The following GRID2 variants were observed in gnomAD, a reference collection of about 807,000 sequenced individuals.
The protein encoded by GRID2 is glutamate ionotropic receptor delta type subunit 2.
GRID2 carries 33 observed loss-of-function variants against 114.8 expected under a neutral mutation model. That is an observed-to-expected ratio of 0.29 (90% confidence interval 0.22 to 0.38). The LOEUF is 0.38. GRID2 is among the 10% of genes least tolerant of loss of function. The pLI, the probability that GRID2 is intolerant of heterozygous loss-of-function variation, is 1.00. For synonymous variants in GRID2, 505 were observed against 449.9 expected (o/e 1.12, Z -1.55); for missense variants, 1,184 against 1,257.7 (o/e 0.94, Z 0.89).
intron 2 of GRID2, among the ~76,000 whole-genome samples, chr4:92,698,637 T>TA (rs952387682): frequency 3.5e-4 from 52 of 147,468 alleles, no homozygotes; most frequent in African/African-American, 4.4e-4. Flanking sequence ...ATCTTGCCTT[T>TA]AAAAAAAAAA....
intron 1 of GRID2, among the ~76,000 whole-genome samples, chr4:92,411,655 G>GTGTGTGTGTGTATATATA: frequency 2.4e-5 from 2 of 84,724 alleles, no homozygotes; most frequent in African/African-American, 1.2e-4. Flanking sequence ...GTGTGTGTGT[G>GTGTGTGTGTGTATATATA]TATATATATA....
intron 9 of GRID2, among the ~76,000 whole-genome samples, chr4:93,396,726 T>A (rs1162571553): frequency 6.6e-6 from 1 of 151,988 alleles, no homozygotes; most frequent in Non-Finnish European, 1.5e-5. Flanking sequence ...ACTGTTATAA[T>A]TCTATACATT....
intron 13 of GRID2, among the ~76,000 whole-genome samples, chr4:93,581,230 T>C (rs1409676129): frequency 1.3e-5 from 2 of 152,008 alleles, no homozygotes; most frequent in African/African-American, 4.8e-5. Flanking sequence ...TTTAGATTTT[T>C]GGAATTTCCT....
intron 1 of GRID2, among the ~76,000 whole-genome samples, chr4:92,544,224 C>T (rs1005720562): frequency 6.6e-6 from 1 of 152,022 alleles, no homozygotes; most frequent in Non-Finnish European, 1.5e-5. Flanking sequence ...TTAATTTTTG[C>T]CTGGTTTTGA....
At chr4:93,796,669 A>G (rs751014912) in intron 1 of GRID2, among the ~76,000 whole-genome samples, 1 of 152,102 alleles carries the variant, frequency 6.6e-6, no homozygotes, top group Non-Finnish European at 1.5e-5. Flanking sequence ...TCAGCCTCCC[A>G]AGTAACTGGG....
intron 14 of GRID2, among the ~76,000 whole-genome samples, chr4:93,764,385 A>T (rs1038942979): frequency 6.6e-6 from 1 of 152,206 alleles, no homozygotes; most frequent in African/African-American, 2.4e-5. Context: ...TCAGTGAATC[A>T]ATCATTCATT....
chr4:92,722,063 A>T (rs1001571764), intron 2 of GRID2, among the ~76,000 whole-genome samples: 2 of 152,166 alleles, frequency 1.3e-5, no homozygotes, highest in African/African-American at 2.4e-5. Context: ...CAAAAGATTC[A>T]TAGAGATACT....
At chr4:93,066,191 AT>A (rs1284873071) in intron 2 of GRID2, among the ~76,000 whole-genome samples, 1 of 151,962 alleles carries the variant, frequency 6.6e-6, no homozygotes, top group Non-Finnish European at 1.5e-5. Flanking sequence ...CATTATCAAA[AT>A]GGTATTTGTT....
chr4:92,935,444 A>T (rs1453171362), intron 2 of GRID2, among the ~76,000 whole-genome samples: 6 of 146,676 alleles, frequency 4.1e-5, no homozygotes, highest in African/African-American at 1.2e-4. Context: ...GTGGGACTGT[A>T]AACTAGTTCA....
At chr4:93,193,862 C>T (rs1204950144) in intron 4 of GRID2, among the ~76,000 whole-genome samples, 3 of 152,252 alleles carry the variant, frequency 2.0e-5, no homozygotes, top group Admixed American at 1.3e-4. Context: ...GAATTATAGG[C>T]CACAATTGTA....
At chr4:92,318,484 T>C (rs1183145740) in intron 1 of GRID2, among the ~76,000 whole-genome samples, 1 of 147,640 alleles carries the variant, frequency 6.8e-6, no homozygotes, top group Non-Finnish European at 1.5e-5. Context: ...AGAGAGTGCA[T>C]ACTATATGCC....
chr4:92,323,439 T>A (rs1726425001), intron 1 of GRID2, among the ~76,000 whole-genome samples: 1 of 152,074 alleles, frequency 6.6e-6, no homozygotes, highest in Admixed American at 6.6e-5. Context: ...CATGTAGAAG[T>A]CATTAGATTC....
intron 1 of GRID2, among the ~76,000 whole-genome samples, chr4:92,473,258 G>A (rs1722131063): frequency 6.6e-6 from 1 of 151,976 alleles, no homozygotes; most frequent in Non-Finnish European, 1.5e-5. Flanking sequence ...TTATTTGACT[G>A]TTTTGATGTA....
At chr4:93,743,275 G>GA (rs1731568496) in intron 14 of GRID2, among the ~76,000 whole-genome samples, 1 of 152,148 alleles carries the variant, frequency 6.6e-6, no homozygotes, top group African/African-American at 2.4e-5. Flanking sequence ...TAAAGTTAAA[G>GA]AAAAGAAGCC....
intron 2 of GRID2, among the ~76,000 whole-genome samples, chr4:92,861,318 C>T (rs918176342): frequency 6.6e-5 from 10 of 152,184 alleles, no homozygotes; most frequent in African/African-American, 2.4e-4. Flanking sequence ...CGAAAAGTCA[C>T]CTGCACCATA....
At chr4:92,647,194 G>GTTT (rs1731689336) in intron 2 of GRID2, among the ~76,000 whole-genome samples, 4 of 152,174 alleles carry the variant, frequency 2.6e-5, no homozygotes, top group African/African-American at 9.6e-5. Flanking sequence ...AATCATGATA[G>GTTT]TGTCTGCTGA....
intron 14 of GRID2, among the ~76,000 whole-genome samples, chr4:93,730,041 G>C (rs963236633): frequency 1.3e-5 from 2 of 152,154 alleles, no homozygotes; most frequent in Admixed American, 6.5e-5. Context: ...ATGAATGAGT[G>C]AATGAATGAA....
chr4:93,251,532 A>G (rs1748928813), intron 8 of GRID2, among the ~76,000 whole-genome samples: 1 of 152,206 alleles, frequency 6.6e-6, no homozygotes, highest in Non-Finnish European at 1.5e-5. Flanking sequence ...TCAGGAGTAC[A>G]TGTGCAGGGT....
intron 8 of GRID2, among the ~76,000 whole-genome samples, chr4:93,312,899 A>G (rs917816886): frequency 1.3e-5 from 2 of 152,200 alleles, no homozygotes; most frequent in African/African-American, 2.4e-5. Context: ...ATTAATAACT[A>G]TAATTTATAT....
Sources: allele counts gnomAD v4.1 joint callset (sites outside exome capture counted in the v4.1 genomes callset), GRCh38; gene constraint gnomAD v4.1.1; transcripts MANE v1.5; gene names NCBI Gene and HGNC (gene_info 2026-07-23, HGNC 2026-07-21).